The following SERPINB6 variants were observed in gnomAD, a reference collection of about 807,000 sequenced individuals.
SERPINB6 encodes serpin B6.
Under a neutral mutation model 26.1 loss-of-function variants are expected in SERPINB6, and 16 were observed. The observed-to-expected ratio is 0.61, with a 90% CI of 0.42 to 0.93. The LOEUF (loss-of-function observed/expected upper bound fraction) is 0.93, where lower values mean the gene tolerates loss of function less well. Among genes scored for constraint, SERPINB6 ranks in the 40% least tolerant of loss-of-function variants. The pLI, the probability that SERPINB6 is intolerant of heterozygous loss-of-function variation, is 0.00. For missense variants in SERPINB6, 420 were observed against 478.0 expected (o/e 0.88, Z 1.13); for synonymous variants, 174 against 176.6 (o/e 0.99, Z 0.11).
rs1042117227 is a variant in SERPINB6 at position 2,970,250 on chromosome 6, G to A, written c.-11+1283C>T. 12 of 985,160 alleles carry A rather than the reference G, an allele frequency of 1.2e-5. No individual in the cohort carries two copies. The South Asian group carries it at 1.9e-4, about 15-fold the overall frequency. 61.0% of individuals were successfully genotyped at this position (985,160 alleles called of 1,614,324 possible). On this transcript the variant is annotated intron_variant, in intron 1 of 6. Transcript: ENST00000380539. ...AATTTCACTCTACTGTTACTGGTCCGTGTTAACTGTTTCATGCTGAATTGT... is the reference window on the plus strand; with the variant it reads ...AATTTCACTCTACTGTTACTGGTCCATGTTAACTGTTTCATGCTGAATTGT...
At chr6:2,949,789 G>A (rs1465799552) in intron 5 of SERPINB6, among the ~76,000 whole-genome samples, 3 of 152,170 alleles carry the variant, frequency 2.0e-5, no homozygotes, top group Non-Finnish European at 4.4e-5. Flanking sequence ...TTTACTCGGA[G>A]CAGGAGCTGA....
At chr6:2,952,950 A>G (rs1769978125) in intron 5 of SERPINB6, 94 bp downstream of exon 5, 2 of 1,567,814 alleles carry the variant, frequency 1.3e-6, no homozygotes, top group South Asian at 1.1e-5. Context: ...AGGGGCAGGG[A>G]CAGAAAGGCC....
At chr6:2,952,889 C>T (rs1769969392) in intron 5 of SERPINB6, among the ~76,000 whole-genome samples, 155 bp downstream of exon 5, 1 of 152,198 alleles carries the variant, frequency 6.6e-6, no homozygotes, top group Non-Finnish European at 1.5e-5. Context: ...GGTGGCAGGG[C>T]GGATGCCAGG....
rs751262205 is a variant in SERPINB6 at position 2,955,655 on chromosome 6, T to C, written c.181A>G (p.Lys61Glu). 2.5e-6 allele frequency: 4 copies of C among 1,614,222 alleles called. No individual in the cohort carries two copies. Among genetic ancestry groups the C allele is most frequent in the South Asian group, 2.2e-5 (2 of 91,084 alleles). ...AQMAQILSFN[K>E]SGGGGDIHQG... ...TGGATGTCTCCACCACCGCCACTTTTATTGAAAGAAAGTATCTGAAATCAA... is the reference window on the plus strand; with the variant it reads ...TGGATGTCTCCACCACCGCCACTTTCATTGAAAGAAAGTATCTGAAATCAA... Residue 61 changes from lysine (K) to glutamate (E), a missense_variant, in exon 3 of 7, where the codon AAA (lysine) becomes GAA (glutamate). Transcript: ENST00000380539.
chr6:2,970,537 G>A, intron 1 of SERPINB6: 1 of 1,192,380 alleles, frequency 8.4e-7, no homozygotes, highest in Non-Finnish European at 1.0e-6. Context: ...CATCGCATCA[G>A]GCCTGACCCC....
In SERPINB6 at chr6:2,948,550, A is replaced by G. The variant is rs764128992; in HGVS notation, c.879T>C (p.Asp293=). The G allele has an allele frequency of 6.2e-7, 1 of 1,614,202 alleles. No individual in the cohort carries two copies. The highest frequency in any genetic ancestry group is 8.5e-7 in the Non-Finnish European group (1 of 1,180,038). ...AGTCTGCCTTGCCCAGCTCGAAGGC[A>G]TCAGTCATGCCCAGGTTGCGCAGGA... ...ESVLRNLGMT[D]AFELGKADFS... Residue 293 remains aspartate, a synonymous_variant, in exon 7 of 7, where the codon GAT becomes GAC. Coordinates refer to ENST00000380539, the MANE Select transcript of SERPINB6 (RefSeq NM_004568.6). This position sits in a 1 kb window ranked among gnomAD's most constrained non-coding sequence, Gnocchi z 5.0.
At chr6:2,966,460 C>T in intron 1 of SERPINB6, 2 of 971,768 alleles carry the variant, frequency 2.1e-6, no homozygotes, top group Non-Finnish European at 2.4e-6. Context: ...GGCCACGCAG[C>T]AGGAGGTGAG....
intron 3 of SERPINB6, chr6:2,955,303 G>A: frequency 1.7e-6 from 1 of 586,348 alleles, no homozygotes; most frequent in Non-Finnish European, 3.0e-6. Context: ...CATGCATCAA[G>A]GAGCTGCCTG....
intron 2 of SERPINB6, chr6:2,956,100 T>G: frequency 5.0e-6 from 1 of 198,432 alleles, no homozygotes; most frequent in Non-Finnish European, 1.0e-5. Flanking sequence ...TCCATCTGAT[T>G]AAAGGCCAGA....
In SERPINB6 at chr6:2,968,607, C is replaced by G. The variant is rs894384916; in HGVS notation, c.-11+2926G>C. ...CCACAATTATAGTTTATTGAGTCTT[C>G]CGTTCCCTGCGCTGCCTATCTCTGG... On this transcript the variant is annotated intron_variant, in intron 1 of 6. Transcript: ENST00000380539. The G allele has an allele frequency of 4.1e-6, 5 of 1,217,922 alleles. No homozygotes were observed. In the African/African-American group the frequency reaches 7.8e-5, roughly 19 times the overall value. The allele number at this position is 1,217,922 out of a possible 1,614,324, so 75.4% of individuals were successfully genotyped here. A position where few individuals can be genotyped will look rare whatever the true frequency, so the allele number is the denominator to read the frequency against.
At position 2,964,933 on chromosome 6, in the gene SERPINB6, C is replaced by T. The variant is rs1367435426; in HGVS notation, c.-10-5591G>A. ...CCCACTGCAGCCTCGAACTCCTGGC[C>T]TCAAGCAATCCTTTAGCGTCAGCCT... is the stretch of plus-strand genomic sequence containing the variant. On this transcript the variant is annotated intron_variant, in intron 1 of 6. Coordinates refer to ENST00000380539, the MANE Select transcript of SERPINB6 (RefSeq NM_004568.6). Among the ~76,000 whole-genome samples, 4 of 152,300 alleles carry T rather than the reference C, an allele frequency of 2.6e-5. No homozygotes were observed. The East Asian group carries it at 7.7e-4, about 29-fold the overall frequency.
In SERPINB6 at chr6:2,953,375, C is replaced by T. The variant is rs77734703; in HGVS notation, c.431-189G>A. 2.0e-4 allele frequency among the ~76,000 whole-genome samples: 31 copies of T among 152,304 alleles called. No homozygotes were observed. The East Asian group carries it at 4.6e-3, about 23-fold the overall frequency. On this transcript the variant is annotated intron_variant, in intron 4 of 6. Coordinates refer to ENST00000380539, the MANE Select transcript of SERPINB6 (RefSeq NM_004568.6). ...AATCTTCTGGTACGAAAAACATCAT[C>T]AATTGAATAAAACACACAAAGTGAA...
chr6:2,963,775 G>A (rs958250341), intron 1 of SERPINB6: 1 of 152,242 alleles, frequency 6.6e-6, no homozygotes, highest in African/African-American at 2.4e-5. Context: ...AGGGAGTTAA[G>A]CCTGATGCCC....
At chr6:2,958,324 G>A (rs907593078) in intron 2 of SERPINB6, among the ~76,000 whole-genome samples, 1 of 152,162 alleles carries the variant, frequency 6.6e-6, no homozygotes, top group African/African-American at 2.4e-5. Flanking sequence ...GGTCCAGAGG[G>A]CAGACCACAG....
At chr6:2,971,197 T>C in intron 1 of SERPINB6, 1 of 987,832 alleles carries the variant, frequency 1.0e-6, no homozygotes, top group East Asian at 1.1e-4. Context: ...GCGCCCGGGG[T>C]CCTCGGGTCC....
At position 2,948,880 on chromosome 6, in the gene SERPINB6, T is replaced by C. The variant is rs1273353984; in HGVS notation, c.729+34A>G. On this transcript the variant is annotated intron_variant, in intron 6 of 6. Transcript: ENST00000380539. The surrounding 1 kb of genome is among the most constrained non-coding windows in gnomAD (Gnocchi z 5.0). Reference sequence around the variant, plus strand: ...CAGCAGACACCCCCGAGTGGCTCCTTGCTAGCACGCCTCGCTCACAGCTTA... The same window carrying C: ...CAGCAGACACCCCCGAGTGGCTCCTCGCTAGCACGCCTCGCTCACAGCTTA... The C allele has an allele frequency of 1.2e-6, 2 of 1,614,040 alleles. No individual in the cohort carries two copies. The highest frequency in any genetic ancestry group is 1.1e-5 in the South Asian group (1 of 91,078).
chr6:2,948,612 G>A lies in SERPINB6; in HGVS notation c.817C>T (p.Arg273Trp), dbSNP rs1451542842. The A allele has an allele frequency of 8.1e-6, 13 of 1,614,070 alleles. No homozygotes were observed. The highest frequency in any genetic ancestry group is 1.6e-4 in the Middle Eastern group (1 of 6,062). The stretch of plus-strand genomic sequence containing the variant: ...TCGTAGCTTTCCTCTAGTTTAAACC[G>A]CGGGAGGGACACTTCCACCTCCTCT... ...DEEEVEVSLP[R>W]FKLEESYDME... Residue 273 changes from arginine to tryptophan, a missense_variant, in exon 7 of 7, where the codon CGG becomes TGG. By Grantham distance (101) the Arg-to-Trp change is moderately radical. Coordinates refer to ENST00000380539, the MANE Select transcript of SERPINB6 (RefSeq NM_004568.6). The surrounding 1 kb of genome is among the most constrained non-coding windows in gnomAD (Gnocchi z 5.0).
At chr6:2,969,133 T>C (rs1771899153) in intron 1 of SERPINB6, 2 of 1,014,996 alleles carry the variant, frequency 2.0e-6, no homozygotes. Flanking sequence ...AATCCACATT[T>C]AAAGTTTACC....
At chr6:2,954,117 CAAAAAAAA>C (rs540686090) in intron 4 of SERPINB6, among the ~76,000 whole-genome samples, 1 of 67,780 alleles carries the variant, frequency 1.5e-5, no homozygotes, top group Non-Finnish European at 3.1e-5. Context: ...GACCTTGTCT[CAAAAAAAA>C]AAAAAAAAAA....
Sources: gnomAD v4.1 joint callset for allele counts (sites outside exome capture counted in the v4.1 genomes callset) on GRCh38, gnomAD v4.1.1 for gene constraint, Gnocchi (gnomAD v3.1) non-coding constraint, MANE v1.5 for transcripts, NCBI Gene and HGNC (gene_info 2026-07-23, HGNC 2026-07-21) for gene names.